The following SGTA variants were observed in gnomAD, a reference collection of about 807,000 sequenced individuals.
SGTA encodes small glutamine rich tetratricopeptide repeat co-chaperone alpha.
Under a neutral mutation model 44.3 loss-of-function variants are expected in SGTA, and 22 were observed. That is an observed-to-expected ratio of 0.50 (90% CI 0.36 to 0.71). The LOEUF (loss-of-function observed/expected upper bound fraction) is 0.71, where lower values mean the gene tolerates loss of function less well. Among genes scored for constraint, SGTA ranks in the 30% least tolerant of loss-of-function variants. The probability of loss-of-function intolerance (pLI) is 0.00; values close to 1 mark genes in which losing one functional copy is unlikely to be tolerated. For synonymous variants in SGTA, 174 were observed against 177.6 expected (o/e 0.98, Z 0.16); for missense variants, 341 against 435.9 (o/e 0.78, Z 1.94).
At chr19:2,769,230 C>T in intron 1 of SGTA, 139 bp from the exon 2 acceptor site, 1 of 601,738 alleles carries the variant, frequency 1.7e-6, no homozygotes, top group Middle Eastern at 2.9e-4. Flanking sequence ...GTAGAAAGGC[C>T]TTAATACGCC....
chr19:2,765,210 G>A lies in SGTA; in HGVS notation c.368C>T (p.Ala123Val), dbSNP rs1441424290. The A allele has an allele frequency of 2.5e-6, 4 of 1,613,900 alleles. No individual in the cohort carries two copies. The African/African-American group carries it at 4.0e-5, about 16-fold the overall frequency. The change falls in exon 5 of 12, where the codon GCC becomes GTC. Residue 123 changes from alanine to valine, a missense_variant. Physicochemically the swap from Ala to Val is moderately conservative, Grantham distance 64. Coordinates refer to ENST00000221566, the MANE Select transcript of SGTA (RefSeq NM_003021.4). This position sits in a 1 kb window ranked among gnomAD's most constrained non-coding sequence, Gnocchi z 5.5. ...CCTGTTGCAGAAATAGACGGCGTTG[G>A]CTGGGTTGAGCTCGATGGCTTTTCC... ...FYGKAIELNP[A>V]NAVYFCNRAA... is the part of the protein sequence containing the mutation.
rs1915045170 is a variant in SGTA at position 2,763,051 on chromosome 19, GA to G, written c.498-408del. 1.5e-5 allele frequency among the ~76,000 whole-genome samples: 2 copies of G among 129,836 alleles called. No homozygotes were observed. The highest frequency in any genetic ancestry group is 5.3e-4 in the South Asian group (2 of 3,770). The allele number at this position is 129,836 out of a possible 152,430, so 85.2% of individuals were successfully genotyped here. A position where few individuals can be genotyped will look rare whatever the true frequency, so the allele number is the denominator to read the frequency against. Reference sequence around the variant, plus strand: ...CTCCCGTCATCCACAAGCAGCCCCTGACCCCCACCTGAGTGAGTCTTCACTC... The same window carrying G: ...CTCCCGTCATCCACAAGCAGCCCCTGCCCCCACCTGAGTGAGTCTTCACTC... On this transcript the variant is annotated intron_variant, in intron 6 of 11. Transcript: ENST00000221566. This position sits in a 1 kb window ranked among gnomAD's most constrained non-coding sequence, Gnocchi z 5.8.
chr19:2,771,837 G>C (rs1318493683), intron 1 of SGTA, among the ~76,000 whole-genome samples: 2 of 152,234 alleles, frequency 1.3e-5, no homozygotes, highest in Non-Finnish European at 2.9e-5. Context: ...CCTGGCCGTG[G>C]GATGGGACCC....
At chr19:2,774,404 G>A (rs998093344) in intron 1 of SGTA, among the ~76,000 whole-genome samples, 1 of 152,226 alleles carries the variant, frequency 6.6e-6, no homozygotes, top group African/African-American at 2.4e-5. Context: ...TGCTCACTGT[G>A]CTGCGGTCCC....
chr19:2,767,324 G>T lies in SGTA; in HGVS notation c.208-104C>A. 1 of 910,454 alleles carries T rather than the reference G, an allele frequency of 1.1e-6. No individual in the cohort carries two copies. Among genetic ancestry groups the T allele is most frequent in the Non-Finnish European group, 1.7e-6 (1 of 591,594 alleles). The allele number at this position is 910,454 out of a possible 1,614,324, so 56.4% of individuals were successfully genotyped here. ...CCAGAGAGGGCCACCAAGTTCCGAA[G>T]GACCCGGGGGCTCTGCAGGGGACTC... On this transcript the variant is annotated intron_variant, in intron 3 of 11. Transcript: ENST00000221566. The surrounding 1 kb of genome is among the most constrained non-coding windows in gnomAD (Gnocchi z 7.3).
At chr19:2,779,841 G>A (rs1176239336) in intron 1 of SGTA, among the ~76,000 whole-genome samples, 2 of 152,200 alleles carry the variant, frequency 1.3e-5, no homozygotes, top group East Asian at 3.8e-4. Flanking sequence ...GGGAGGCCGA[G>A]GTGGGAGAAT....
intron 1 of SGTA, among the ~76,000 whole-genome samples, chr19:2,783,004 G>A (rs1915606265): frequency 1.3e-5 from 2 of 152,228 alleles, no homozygotes; most frequent in Admixed American, 6.5e-5. Context: ...CCAGGCCGCG[G>A]ACCAGCATTT....
rs1915101405 is a variant in SGTA at position 2,765,118 on chromosome 19, TGCTAA to T, written c.392+63_392+67del. On this transcript the variant is annotated intron_variant, in intron 5 of 11. Transcript: ENST00000221566. The surrounding 1 kb of genome is among the most constrained non-coding windows in gnomAD (Gnocchi z 5.5). Reference sequence around the variant, plus strand: ...AGAGGCCTCTCCCATCTCAGGTCCCTGCTAAGCATCCCGGAGGACGCCCCCGCACC... The same window carrying T: ...AGAGGCCTCTCCCATCTCAGGTCCCTGCATCCCGGAGGACGCCCCCGCACC... 9.0e-7 allele frequency: 1 copy of T among 1,116,092 alleles called. No homozygotes were observed. Among genetic ancestry groups the T allele is most frequent in the Admixed American group, 1.7e-5 (1 of 58,154 alleles). The allele number at this position is 1,116,092 out of a possible 1,614,324, so 69.1% of individuals were successfully genotyped here.
Position 2,761,820 on chromosome 19 carries a change from C to T in SGTA, c.637-298G>A, listed in dbSNP as rs1157843366. 1.4e-5 allele frequency among the ~76,000 whole-genome samples: 2 copies of T among 147,662 alleles called. No homozygotes were observed. Among genetic ancestry groups the T allele is most frequent in the African/African-American group, 5.1e-5 (2 of 39,282 alleles). ...CCGGGGACGGCACAGTCTATCATCC[C>T]GTGTTTATTCCCCGCACAGCGCGAC... On this transcript the variant is annotated intron_variant, in intron 7 of 11. Transcript: ENST00000221566. This position sits in a 1 kb window ranked among gnomAD's most constrained non-coding sequence, Gnocchi z 5.7.
Position 2,765,757 on chromosome 19 carries a change from C to T in SGTA, c.293-472G>A, listed in dbSNP as rs905349431. Among the ~76,000 whole-genome samples the T allele has an allele frequency of 2.6e-5, 4 of 152,094 alleles. No homozygotes were observed. The highest frequency in any genetic ancestry group is 4.4e-5 in the Non-Finnish European group (3 of 68,026). On this transcript the variant is annotated intron_variant, in intron 4 of 11. Coordinates refer to ENST00000221566, the MANE Select transcript of SGTA (RefSeq NM_003021.4). This position sits in a 1 kb window ranked among gnomAD's most constrained non-coding sequence, Gnocchi z 5.5. Reference sequence around the variant, plus strand: ...GAGGCATGGGTCCCAGCTGGTAGGACGGTAAAAACCCCAGCTGCTATCCTA... The same window carrying T: ...GAGGCATGGGTCCCAGCTGGTAGGATGGTAAAAACCCCAGCTGCTATCCTA...
Position 2,767,716 on chromosome 19 carries a change from A to G in SGTA, c.101-30T>C, listed in dbSNP as rs781717658. 2 of 1,554,670 alleles carry G rather than the reference A, an allele frequency of 1.3e-6. No individual in the cohort carries two copies. The highest frequency in any genetic ancestry group is 2.2e-5 in the East Asian group (1 of 44,556). On this transcript the variant is annotated intron_variant, in intron 2 of 11. Transcript: ENST00000221566. The surrounding 1 kb of genome is among the most constrained non-coding windows in gnomAD (Gnocchi z 7.3). ...AGCGGGGACAGAGGCGGTCCCATTC[A>G]TTGCACGCAGCCCCGAGGTTACGTT...
chr19:2,775,934 G>A (rs1428117226), intron 1 of SGTA, among the ~76,000 whole-genome samples: 1 of 152,220 alleles, frequency 6.6e-6, no homozygotes, highest in African/African-American at 2.4e-5. Flanking sequence ...AGCTCCTGCG[G>A]GATGGTAATG....
At position 2,763,869 on chromosome 19, in the gene SGTA, C is replaced by T. The variant is rs1465870608; in HGVS notation, c.393-112G>A. 1.3e-6 allele frequency: 1 copy of T among 755,582 alleles called. No homozygotes were observed. The highest frequency in any genetic ancestry group is 1.7e-5 in the African/African-American group (1 of 57,460). The allele number at this position is 755,582 out of a possible 1,614,324, so 46.8% of individuals were successfully genotyped here. A position where few individuals can be genotyped will look rare whatever the true frequency, so the allele number is the denominator to read the frequency against. On this transcript the variant is annotated intron_variant, in intron 5 of 11. Coordinates refer to ENST00000221566, the MANE Select transcript of SGTA (RefSeq NM_003021.4). The surrounding 1 kb of genome is among the most constrained non-coding windows in gnomAD (Gnocchi z 5.8). ...CTCTCCAACTTCCTGGAGGAACGGC[C>T]TCAGTTTTCCCCATCTGTAAAATGG... is the stretch of plus-strand genomic sequence containing the variant.
rs1568308986 is a variant in SGTA at position 2,763,763 on chromosome 19, G to A, written c.393-6C>T. ...GTTTGCTGTAGGCTGCGGCTCTGGG[G>A]AAGAAAAGGCAGGGCAGGTCCCTCA... is the stretch of plus-strand genomic sequence containing the variant. On this transcript the variant is annotated splice_region_variant and splice_polypyrimidine_tract_variant and intron_variant, in intron 5 of 11. Transcript: ENST00000221566. This position sits in a 1 kb window ranked among gnomAD's most constrained non-coding sequence, Gnocchi z 5.8. The A allele has an allele frequency of 6.2e-7, 1 of 1,612,128 alleles. No individual in the cohort carries two copies. Among genetic ancestry groups the A allele is most frequent in the Non-Finnish European group, 8.5e-7 (1 of 1,179,178 alleles).
At chr19:2,779,864 G>C (rs1175200536) in intron 1 of SGTA, among the ~76,000 whole-genome samples, 1 of 152,138 alleles carries the variant, frequency 6.6e-6, no homozygotes. Context: ...CTTGAGTCCA[G>C]GTGTTTAAGA....
intron 1 of SGTA, among the ~76,000 whole-genome samples, chr19:2,779,745 T>TTA (rs1915528441): frequency 6.6e-6 from 1 of 152,220 alleles, no homozygotes; most frequent in African/African-American, 2.4e-5. Flanking sequence ...ATCCCACCTT[T>TTA]TCATTTTATC....
Position 2,761,934 on chromosome 19 carries a change from G to A in SGTA, c.637-412C>T, listed in dbSNP as rs7256139. On this transcript the variant is annotated intron_variant, in intron 7 of 11. Coordinates refer to ENST00000221566, the MANE Select transcript of SGTA (RefSeq NM_003021.4). The surrounding 1 kb of genome is among the most constrained non-coding windows in gnomAD (Gnocchi z 5.7). The stretch of plus-strand genomic sequence containing the variant: ...ACGGCACAGTCTATCATCCCGTGTT[G>A]ATTTCCTGTATTCTGCCGCTTTGAC... Among the ~76,000 whole-genome samples the A allele has an allele frequency of 6.8e-6, 1 of 146,866 alleles. No homozygotes were observed.
intron 11 of SGTA, among the ~76,000 whole-genome samples, chr19:2,756,655 G>A (rs928233375): frequency 1.3e-5 from 2 of 151,958 alleles, no homozygotes; most frequent in Non-Finnish European, 2.9e-5. Flanking sequence ...GGGAGCCGGC[G>A]TCTGCTGGAG....
chr19:2,768,010 C>G (rs1454887510), intron 2 of SGTA, among the ~76,000 whole-genome samples: 1 of 152,172 alleles, frequency 6.6e-6, no homozygotes, highest in Non-Finnish European at 1.5e-5. Context: ...CTTGGCCCCA[C>G]CTGGAGGGCC....
Sources: allele counts gnomAD v4.1 joint callset (sites outside exome capture counted in the v4.1 genomes callset), GRCh38; gene constraint gnomAD v4.1.1; non-coding constraint Gnocchi (gnomAD v3.1); transcripts MANE v1.5; gene names NCBI Gene and HGNC (gene_info 2026-07-23, HGNC 2026-07-21).